The following PIGO variants were observed in gnomAD, a reference collection of about 807,000 sequenced individuals.
The protein encoded by PIGO is GPI ethanolamine phosphate transferase 3, catalytic subunit.
Under a neutral mutation model 86.9 loss-of-function variants are expected in PIGO, and 66 were observed. That is an observed-to-expected ratio of 0.76 (90% CI 0.62 to 0.93). The LOEUF (loss-of-function observed/expected upper bound fraction) is 0.93, where lower values mean the gene tolerates loss of function less well. Ranked by LOEUF, PIGO falls within the 40% of genes least tolerant of loss-of-function variation. The pLI is 0.00. For synonymous variants in PIGO, 570 were observed against 556.4 expected, an observed-to-expected ratio of 1.02 and a Z score of -0.34; for missense variants, 1,202 against 1,359.1, an observed-to-expected ratio of 0.88 and a Z score of 1.82.
rs1383385549 is a variant in PIGO, at chr9:35,091,388, TGA to T, written c.2497_2498del (p.Ala834CysfsTer131). The T allele has an allele frequency of 5.0e-6, 8 of 1,614,038 alleles. No individual in the cohort carries two copies. In the East Asian group the frequency reaches 1.8e-4, roughly 36 times the overall value. On this transcript the variant is annotated frameshift_variant, in exon 7 of 11. Coordinates refer to ENST00000378617, the MANE Select transcript of PIGO (RefSeq NM_032634.4). LOFTEE classifies it high-confidence loss of function. ...GGGTGAGGGCTGTGACCATAGCAGC[TGA>T]GTAGACACTCCCCAACTGATAAGCA... ...VAAYQLGSVY[S>X]AAMVTALTLL... is the part of the protein sequence containing the mutation.
At chr9:35,092,925 T>C in intron 6 of PIGO, 105 bp downstream of exon 6, 3 of 1,417,150 alleles carry the variant, frequency 2.1e-6, no homozygotes, top group Non-Finnish European at 2.9e-6. Context: ...GGGATAGGTA[T>C]GGAAGGTGGG....
intron 5 of PIGO, 27 bp from the exon 6 acceptor site, chr9:35,093,236 G>C (rs985861312): frequency 1.9e-6 from 3 of 1,597,310 alleles, no homozygotes; most frequent in Non-Finnish European, 2.6e-6. Context: ...GTGGTCAACA[G>C]ATTCATCACA....
chr9:35,092,168 G>C lies in PIGO; in HGVS notation c.1719C>G (p.Thr573=). The part of the protein sequence containing the change: ...DSFVVAEARA[T]PFLLGSFILL... ...GGATGAATGAGCCCAAAAGGAAGGG[G>C]GTGGCCCTGGCCTCAGCTACAACAA... Residue 573 remains threonine (T), a synonymous_variant, in exon 7 of 11, where the codon ACC becomes ACG. Transcript: ENST00000378617. 1 of 1,614,162 alleles carries C rather than the reference G, an allele frequency of 6.2e-7. No homozygotes were observed. Among genetic ancestry groups the C allele is most frequent in the Non-Finnish European group, 8.5e-7 (1 of 1,180,026 alleles).
rs759013444 is a variant in PIGO at position 35,095,330 on chromosome 9, C to T, written c.236G>A (p.Arg79Gln). The T allele has an allele frequency of 6.2e-6, 10 of 1,614,160 alleles. No individual in the cohort carries two copies. The East Asian group carries it at 8.9e-5, about 14-fold the overall frequency. ...RVVLVLIDALRFDFAQPQHSH... is the reference protein window; with the variant it reads ...RVVLVLIDALQFDFAQPQHSH... ...ATGCTGGGGCTGGGCGAAGTCAAAT[C>T]GCAGAGCATCTATCAGCACCAACAC... Residue 79 changes from arginine to glutamine, a missense_variant, in exon 2 of 11, where the codon CGA becomes CAA. Coordinates refer to ENST00000378617, the MANE Select transcript of PIGO (RefSeq NM_032634.4).
chr9:35,092,942 A>C (rs1829502121), intron 6 of PIGO, 88 bp downstream of exon 6: 2 of 1,463,812 alleles, frequency 1.4e-6, no homozygotes, highest in African/African-American at 1.4e-5. Flanking sequence ...TGGGACTAAG[A>C]CTAGTCAAAG....
chr9:35,088,988 A>G lies in PIGO; in HGVS notation c.*104T>C. 6.7e-7 allele frequency: 1 copy of G among 1,489,522 alleles called. No individual in the cohort carries two copies. The allele number at this position is 1,489,522 out of a possible 1,614,324, so 92.3% of individuals were successfully genotyped here. On this transcript the variant is annotated 3_prime_UTR_variant, in exon 11 of 11. Coordinates refer to ENST00000378617, the MANE Select transcript of PIGO (RefSeq NM_032634.4). ...CGGCCCCTGGCTGCATGATAGTAAG[A>G]GTATGGCTGAGCCTGTCTTGCAGAT...
chr9:35,093,580 C>T lies in PIGO; in HGVS notation c.780G>A (p.Gln260=). 6.3e-7 allele frequency: 1 copy of T among 1,596,304 alleles called. No homozygotes were observed. The stretch of plus-strand genomic sequence containing the variant: ...CATTCTCCAGACGCTCCACAAGTCC[C>T]CTGGGGGCCAATAAATGTGTCAGGA... ...KKLSQMDQVI[Q]GLVERLENDT... is the part of the protein sequence containing the mutation. Residue 260 remains glutamine, a splice_region_variant and synonymous_variant, in exon 5 of 11, where the codon CAG becomes CAA. Coordinates refer to ENST00000378617, the MANE Select transcript of PIGO (RefSeq NM_032634.4).
At position 35,096,325 on chromosome 9, in the gene PIGO, G is replaced by C; in HGVS notation, c.-172C>G. On this transcript the variant is annotated 5_prime_UTR_variant, in exon 1 of 11. Transcript: ENST00000378617. ...GGCCAGGTTCGCCAGGAGACCTGAG[G>C]CACGACCTTCGCCACGCAAGGAGGC... The C allele has an allele frequency of 6.6e-6, 1 of 152,336 alleles. No homozygotes were observed. The highest frequency in any genetic ancestry group is 1.5e-5 in the Non-Finnish European group (1 of 68,058). The allele number at this position is 152,336 out of a possible 1,614,324, so 9.4% of individuals were successfully genotyped here. A position where few individuals can be genotyped will look rare whatever the true frequency, so the allele number is the denominator to read the frequency against.
chr9:35,093,114 A>T lies in PIGO; in HGVS notation c.1035T>A (p.Ala345=), dbSNP rs962272098. 6.2e-7 allele frequency: 1 copy of T among 1,614,148 alleles called. No homozygotes were observed. Among genetic ancestry groups the T allele is most frequent in the Non-Finnish European group, 8.5e-7 (1 of 1,179,970 alleles). Residue 345 remains alanine, a synonymous_variant, in exon 6 of 11, where the codon GCT becomes GCA. Transcript: ENST00000378617. ...IPFGNIGEVM[A]ELFSGGEDSQ... ...AGTCCTCACCCCCTGAGAATAGCTC[A>T]GCCATCACTTCCCCGATATTCCCAA...
At chr9:35,089,260 G>T in intron 10 of PIGO, 39 bp from the exon 11 acceptor site, 1 of 1,614,000 alleles carries the variant, frequency 6.2e-7, no homozygotes, top group African/African-American at 1.3e-5. Context: ...AACAGAGTAG[G>T]TCTACTGCCT....
Position 35,094,006 on chromosome 9 carries a change from T to A in PIGO, c.674A>T (p.Asp225Val). 6.2e-7 allele frequency: 1 copy of A among 1,614,058 alleles called. No individual in the cohort carries two copies. The highest frequency in any genetic ancestry group is 1.1e-5 in the South Asian group (1 of 91,072). The change falls in exon 4 of 11, where the codon GAC (aspartate) becomes GTC (valine). Residue 225 changes from aspartate to valine, a missense_variant. Physicochemically the swap from Asp to Val is radical, Grantham distance 152 (BLOSUM62 -3). Coordinates refer to ENST00000378617, the MANE Select transcript of PIGO (RefSeq NM_032634.4). ...LYPTMDSGEW[D>V]VLIAHFLGVD... is the part of the protein sequence containing the mutation. ...ACCCAGGAAGTGAGCAATCAGCACG[T>A]CCCATTCACCACTGTCCACTGTGAA...
intron 7 of PIGO, 152 bp downstream of exon 7, chr9:35,091,088 G>T (rs1309020245): frequency 5.8e-6 from 5 of 864,966 alleles, no homozygotes; most frequent in African/African-American, 5.1e-5. Flanking sequence ...TGGCAGGTAA[G>T]AGAGAGGACA....
At chr9:35,095,636 A>AT in intron 1 of PIGO, 70 bp from the exon 2 acceptor site, 1 of 1,418,790 alleles carries the variant, frequency 7.0e-7, no homozygotes, top group Non-Finnish European at 9.3e-7. Context: ...GTCCCTGAAT[A>AT]CAAGCCCAGC....
At position 35,095,593 on chromosome 9, in the gene PIGO, T is replaced by C. The variant is rs1235915287; in HGVS notation, c.-1-27A>G. On this transcript the variant is annotated intron_variant, in intron 1 of 10. Transcript: ENST00000378617. ...TGATAGGGGTGGGGAAGTAAATTCATTACTGTGGGGCAAAGAACCAGTGGA... is the reference window on the plus strand; with the variant it reads ...TGATAGGGGTGGGGAAGTAAATTCACTACTGTGGGGCAAAGAACCAGTGGA... The C allele has an allele frequency of 2.7e-6, 4 of 1,503,592 alleles. No homozygotes were observed. The highest frequency in any genetic ancestry group is 4.6e-5 in the Admixed American group (2 of 43,854). The allele number at this position is 1,503,592 out of a possible 1,614,324, so 93.1% of individuals were successfully genotyped here. A position where few individuals can be genotyped will look rare whatever the true frequency, so the allele number is the denominator to read the frequency against.
chr9:35,093,849 T>C (rs965793737), intron 4 of PIGO, 52 bp downstream of exon 4: 6 of 1,598,374 alleles, frequency 3.8e-6, no homozygotes, highest in Non-Finnish European at 4.3e-6. Context: ...TAAGAGCTTC[T>C]TCGAGATTCT....
rs771571749 is a variant in PIGO at position 35,093,458 on chromosome 9, T to C, written c.902A>G (p.Tyr301Cys). The C allele has an allele frequency of 6.8e-6, 11 of 1,614,012 alleles. No homozygotes were observed. The highest frequency in any genetic ancestry group is 1.1e-5 in the South Asian group (1 of 91,086). Residue 301 changes from tyrosine to cysteine, a missense_variant, in exon 5 of 11, where the codon TAT (tyrosine) becomes TGT (cysteine). Physicochemically the swap from Tyr to Cys is radical, Grantham distance 194. Transcript: ENST00000378617. ...ELEVSAALFL[Y>C]SPTAVFPSTP... ...GCTGGGGAAGACTGCTGTGGGGCTATACAGAAAGAGAGCAGCTGAGACCTC... is the reference window on the plus strand; with the variant it reads ...GCTGGGGAAGACTGCTGTGGGGCTACACAGAAAGAGAGCAGCTGAGACCTC...
At chr9:35,094,933 C>T (rs1211060242) in intron 2 of PIGO, 122 bp downstream of exon 2, 1 of 1,359,020 alleles carries the variant, frequency 7.4e-7, no homozygotes, top group Non-Finnish European at 1.0e-6. Context: ...TCTTTCTTCT[C>T]CTCTGTCCCC....
At position 35,091,548 on chromosome 9, in the gene PIGO, A is replaced by G. The variant is rs756265416; in HGVS notation, c.2339T>C (p.Leu780Pro). 1.9e-6 allele frequency: 3 copies of G among 1,614,054 alleles called. No individual in the cohort carries two copies. Among genetic ancestry groups the G allele is most frequent in the African/African-American group, 2.7e-5 (2 of 74,928 alleles). The change falls in exon 7 of 11, where the codon CTC (leucine) becomes CCC (proline). Residue 780 changes from leucine to proline, a missense_variant. Leu to Pro is a moderately conservative substitution (Grantham distance 98, BLOSUM62 -3). Transcript: ENST00000378617. ...AGTGGGGGGGCCTGAGAAGGGAGTG[A>G]GGACAGTCCTGGTCCTTGGAGCGCC... is the stretch of plus-strand genomic sequence containing the variant. ...GAGAPRTRTV[L>P]TPFSGPPTSQ...
intron 7 of PIGO, chr9:35,090,889 CTCTT>C (rs1313019293): frequency 1.0e-5 from 6 of 589,076 alleles, no homozygotes; most frequent in South Asian, 4.3e-5. Context: ...TATGGCCAAT[CTCTT>C]TCTTTCTCTC....
Sources: allele counts gnomAD v4.1 joint callset, GRCh38; gene constraint gnomAD v4.1.1; transcripts MANE v1.5; gene names NCBI Gene and HGNC (gene_info 2026-07-23, HGNC 2026-07-21).